Variants in CGNL1 observed in about 807,000 individuals in gnomAD.
The protein encoded by CGNL1 is cingulin like 1, also known as cingulin-like protein 1.
In CGNL1, 132 loss-of-function variants were observed where a neutral mutation model predicts 141.2. The observed-to-expected ratio is 0.93, with a 90% confidence interval of 0.81 to 1.08. The LOEUF (loss-of-function observed/expected upper bound fraction) is 1.08. Ranked by LOEUF, CGNL1 falls within the 50% of genes least tolerant of loss-of-function variation. CGNL1 has a pLI of 0.00. For missense variants in CGNL1, 1,870 were observed against 1,588.6 expected (o/e 1.18, Z -3.01); for synonymous variants, 690 against 622.1 (o/e 1.11, Z -1.63).
chr15:57,425,192 T>A (rs2062958949), intron 1 of CGNL1, among the ~76,000 whole-genome samples: 4 of 152,174 alleles, frequency 2.6e-5, no homozygotes, highest in Non-Finnish European at 5.9e-5. Context: ...TGTAGGAAGC[T>A]ATTTTTAACA....
intron 1 of CGNL1, among the ~76,000 whole-genome samples, chr15:57,425,462 C>T (rs561393628): frequency 5.3e-5 from 8 of 152,298 alleles, no homozygotes; most frequent in African/African-American, 1.9e-4. Flanking sequence ...TACATTCAGG[C>T]CAGGTGCACT....
intron 8 of CGNL1, among the ~76,000 whole-genome samples, chr15:57,476,790 G>T (rs2063662833): frequency 6.6e-6 from 1 of 152,184 alleles, no homozygotes; most frequent in Admixed American, 6.5e-5. Flanking sequence ...AAAATAAAGG[G>T]CAAGGTGTTT....
intron 1 of CGNL1, among the ~76,000 whole-genome samples, chr15:57,394,478 T>C (rs2062581045): frequency 6.6e-6 from 1 of 152,148 alleles, no homozygotes. Context: ...GGAACTGAGA[T>C]ACAGAGAGAT....
At chr15:57,382,003 G>A (rs1211139707) in intron 1 of CGNL1, among the ~76,000 whole-genome samples, 1 of 152,172 alleles carries the variant, frequency 6.6e-6, no homozygotes, top group Admixed American at 6.5e-5. Context: ...CCTTCTTCAA[G>A]TTCTGCAAAC....
At chr15:57,533,512 T>C (rs2032078088) in intron 14 of CGNL1, among the ~76,000 whole-genome samples, 1 of 152,200 alleles carries the variant, frequency 6.6e-6, no homozygotes. Flanking sequence ...GACCATGGAT[T>C]TGTTTTGCCA....
At chr15:57,383,303 TTTG>T (rs1333690090) in intron 1 of CGNL1, among the ~76,000 whole-genome samples, 4 of 150,662 alleles carry the variant, frequency 2.7e-5, no homozygotes, top group African/African-American at 7.4e-5. Context: ...TTTTTTTTTT[TTTG>T]TTTTTTTGAT....
Position 57,445,227 on chromosome 15 carries a change from C to G in CGNL1, c.1803+2749C>G, listed in dbSNP as rs199722577. Among the ~76,000 whole-genome samples the G allele has an allele frequency of 5.3e-5, 8 of 152,292 alleles. No homozygotes were observed. The East Asian group carries it at 1.5e-3, about 29-fold the overall frequency. On this transcript the variant is annotated intron_variant, in intron 4 of 18. Coordinates refer to ENST00000281282, the MANE Select transcript of CGNL1 (RefSeq NM_032866.5). ...TGAGCTATGATTGTGCCACTGTACT[C>G]CAGCCTGGGTGACAGAATGAGTCAT...
chr15:57,469,487 C>G (rs1240758568), intron 8 of CGNL1, among the ~76,000 whole-genome samples: 1 of 151,492 alleles, frequency 6.6e-6, no homozygotes, highest in Non-Finnish European at 1.5e-5. Flanking sequence ...GCAGCCACAT[C>G]CAGTGACAGG....
chr15:57,382,849 A>G (rs2062438700), intron 1 of CGNL1, among the ~76,000 whole-genome samples: 1 of 152,200 alleles, frequency 6.6e-6, no homozygotes, highest in East Asian at 1.9e-4. Flanking sequence ...TGGGTATTCC[A>G]ACTAGGACTG....
At chr15:57,463,918 G>A (rs951103983) in intron 8 of CGNL1, among the ~76,000 whole-genome samples, 1 of 152,122 alleles carries the variant, frequency 6.6e-6, no homozygotes, top group Non-Finnish European at 1.5e-5. Context: ...CCCTTTGGTG[G>A]AGTTAGTTGC....
chr15:57,473,899 C>CTTTTTTTTTTTT (rs59761174), intron 8 of CGNL1, among the ~76,000 whole-genome samples: 1 of 70,668 alleles, frequency 1.4e-5, no homozygotes, highest in African/African-American at 5.6e-5. Flanking sequence ...TCTTCTTCTT[C>CTTTTTTTTTTTT]TTTTTTTTTT....
rs546663030 is a variant in CGNL1 at position 57,433,498 on chromosome 15, C to T, written c.-15-4487C>T. On this transcript the variant is annotated intron_variant, in intron 1 of 18. Transcript: ENST00000281282. ...CCCGGGCTGGCTGAGGGTTAGACCC[C>T]TCCACCCAAAGTGCCCACATTGCTG... Among the ~76,000 whole-genome samples, 32 of 152,336 alleles carry T rather than the reference C, an allele frequency of 2.1e-4. No individual in the cohort carries two copies. In the East Asian group the frequency reaches 5.4e-3, roughly 26 times the overall value.
At chr15:57,466,373 G>A (rs1478618449) in intron 8 of CGNL1, among the ~76,000 whole-genome samples, 1 of 152,176 alleles carries the variant, frequency 6.6e-6, no homozygotes, top group East Asian at 1.9e-4. Flanking sequence ...GTTCACAGCC[G>A]TTGGCTTATT....
intron 1 of CGNL1, among the ~76,000 whole-genome samples, chr15:57,385,295 AG>A (rs1328397273): frequency 6.6e-6 from 1 of 152,160 alleles, no homozygotes; most frequent in East Asian, 1.9e-4. Context: ...GCAGTTTTGG[AG>A]TCTGAGGCAG....
chr15:57,387,572 T>C (rs576872124), intron 1 of CGNL1, among the ~76,000 whole-genome samples: 9 of 152,300 alleles, frequency 5.9e-5, no homozygotes, highest in African/African-American at 2.2e-4. Context: ...ATAGGGGCCC[T>C]GAGTGGTGCT....
intron 7 of CGNL1, 50 bp from the exon 8 acceptor site, chr15:57,461,630 C>A: frequency 6.6e-7 from 1 of 1,525,154 alleles, no homozygotes; most frequent in Non-Finnish European, 9.1e-7. Flanking sequence ...CAGGGCCTCT[C>A]AACAAGATGT....
At chr15:57,418,100 A>C (rs992503180) in intron 1 of CGNL1, among the ~76,000 whole-genome samples, 1 of 152,108 alleles carries the variant, frequency 6.6e-6, no homozygotes, top group Non-Finnish European at 1.5e-5. Flanking sequence ...AAGCATTTAC[A>C]AGAGAGGAGT....
intron 14 of CGNL1, among the ~76,000 whole-genome samples, chr15:57,540,267 T>G (rs2032494154): frequency 6.6e-6 from 1 of 152,218 alleles, no homozygotes; most frequent in African/African-American, 2.4e-5. Flanking sequence ...CTGGGCAATT[T>G]ATAAATGTTT....
chr15:57,544,597 G>C lies in CGNL1; in HGVS notation c.3500G>C (p.Arg1167Thr). The stretch of plus-strand genomic sequence containing the variant: ...GAGGACCGCCTGGAGAGTGAGGAGA[G>C]GTGAGCCGGGCCCACCCACTGCAGT... ...ELEDRLESEE[R>T]DRANLQLSNR... Residue 1167 changes from arginine (R) to threonine (T), a missense_variant and splice_region_variant, in exon 16 of 19, where the codon AGG becomes ACG. Physicochemically the swap from Arg to Thr is moderately conservative, Grantham distance 71. Coordinates refer to ENST00000281282, the MANE Select transcript of CGNL1 (RefSeq NM_032866.5). 6.4e-7 allele frequency: 1 copy of C among 1,573,086 alleles called. No individual in the cohort carries two copies. Among genetic ancestry groups the C allele is most frequent in the Non-Finnish European group, 8.6e-7 (1 of 1,158,642 alleles).
Sources: allele counts gnomAD v4.1 joint callset (sites outside exome capture counted in the v4.1 genomes callset), GRCh38; gene constraint gnomAD v4.1.1; transcripts MANE v1.5; gene names NCBI Gene and HGNC (gene_info 2026-07-23, HGNC 2026-07-21).